HEXD: variants seen among roughly 807,000 people sequenced by gnomAD.
HEXD encodes the protein hexosaminidase D, also known as N-acetyl-beta-galactosaminidase.
HEXD carries 47 observed loss-of-function variants against 54.2 expected under a neutral mutation model. The observed-to-expected ratio is 0.87, with a 90% CI of 0.69 to 1.11. HEXD has a LOEUF of 1.11. Ranked by LOEUF, HEXD falls within the 50% of genes least tolerant of loss-of-function variation. The probability of loss-of-function intolerance (pLI) is 0.00; values close to 1 mark genes in which losing one functional copy is unlikely to be tolerated. For missense variants in HEXD, 576 were observed against 649.2 expected (o/e 0.89, Z 1.23); for synonymous variants, 293 against 287.6 (o/e 1.02, Z -0.19).
chr17:82,434,453 A>G lies in HEXD; in HGVS notation c.447+631A>G, dbSNP rs188506375. ...TCTGCAGGGCTGTGGCTCACAGGGA[A>G]CCCGAGCTGAACATTTTAGCCCCAG... is the stretch of plus-strand genomic sequence containing the variant. On this transcript the variant is annotated intron_variant, in intron 5 of 12. Coordinates refer to ENST00000327949, the MANE Select transcript of HEXD (RefSeq NM_001330542.2). The surrounding 1 kb of genome is among the most constrained non-coding windows in gnomAD (Gnocchi z 4.5). Among the ~76,000 whole-genome samples the G allele has an allele frequency of 6.6e-6, 1 of 152,296 alleles. No individual in the cohort carries two copies. The highest frequency in any genetic ancestry group is 1.5e-5 in the Non-Finnish European group (1 of 68,012).
At chr17:82,440,207 T>C (rs1202792289) in intron 9 of HEXD, 1 of 1,289,694 alleles carries the variant, frequency 7.8e-7, no homozygotes, top group Non-Finnish European at 1.0e-6. Flanking sequence ...AGGAGCTGTG[T>C]GTGTGGAAAC....
Position 82,433,807 on chromosome 17 carries a change from C to G in HEXD, c.432C>G (p.His144Gln), listed in dbSNP as rs761108140. The G allele has an allele frequency of 6.2e-7, 1 of 1,612,702 alleles. No homozygotes were observed. Among genetic ancestry groups the G allele is most frequent in the South Asian group, 1.1e-5 (1 of 90,948 alleles). The stretch of plus-strand genomic sequence containing the variant: ...TACACCCAGGCGCCCAGCGGCTGCA[C>G]ATCGGGTGTGATGAGGTGGGTACTG... ...LELHPGAQRLHIGCDEVYYLG... is the reference protein window; with the variant it reads ...LELHPGAQRLQIGCDEVYYLG... Residue 144 changes from histidine (H) to glutamine (Q), a missense_variant, in exon 5 of 13, where the codon CAC becomes CAG. Physicochemically the swap from His to Gln is conservative, Grantham distance 24. Coordinates refer to ENST00000327949, the MANE Select transcript of HEXD (RefSeq NM_001330542.2).
In HEXD at chr17:82,436,995, C is replaced by T; in HGVS notation, c.704-173C>T. Reference sequence around the variant, plus strand: ...GGGCCACGTACACTCTGGAGTCTCCCCGACTGGGACCCGGGCCGGCCGCAT... The same window carrying T: ...GGGCCACGTACACTCTGGAGTCTCCTCGACTGGGACCCGGGCCGGCCGCAT... On this transcript the variant is annotated intron_variant, in intron 7 of 12. Coordinates refer to ENST00000327949, the MANE Select transcript of HEXD (RefSeq NM_001330542.2). 4.4e-6 allele frequency: 3 copies of T among 686,682 alleles called. No individual in the cohort carries two copies. In the South Asian group the frequency reaches 5.3e-5, roughly 12 times the overall value. 42.5% of individuals were successfully genotyped at this position (686,682 alleles called of 1,614,324 possible).
At chr17:82,427,492 G>C (rs1313774920) in intron 3 of HEXD, among the ~76,000 whole-genome samples, 1 of 152,080 alleles carries the variant, frequency 6.6e-6, no homozygotes, top group Admixed American at 6.6e-5. Flanking sequence ...AGTGATGAAC[G>C]GTGAGCCAGG....
intron 4 of HEXD, among the ~76,000 whole-genome samples, chr17:82,430,955 A>T (rs564441279): frequency 2.6e-5 from 4 of 152,182 alleles, no homozygotes; most frequent in Non-Finnish European, 1.5e-5. Context: ...TCTATGATCC[A>T]TTTTTAGTTT....
intron 4 of HEXD, among the ~76,000 whole-genome samples, chr17:82,429,278 C>T (rs1445042387): frequency 6.6e-6 from 1 of 151,750 alleles, no homozygotes; most frequent in African/African-American, 2.4e-5. Context: ...TATATATACA[C>T]ATATTCTTTT....
chr17:82,441,430 GGCAGGT>G (rs1339067388), intron 11 of HEXD, among the ~76,000 whole-genome samples, 164 bp downstream of exon 11: 1 of 149,010 alleles, frequency 6.7e-6, no homozygotes, highest in Non-Finnish European at 1.5e-5. Flanking sequence ...GTGGGTGGGA[GGCAGGT>G]GCAGGTGAAC....
At chr17:82,432,872 G>T (rs534366233) in intron 4 of HEXD, among the ~76,000 whole-genome samples, 9 of 146,020 alleles carry the variant, frequency 6.2e-5, no homozygotes, top group South Asian at 4.4e-4. Flanking sequence ...GACCATCCTG[G>T]CTAACACGGT....
chr17:82,441,844 T>C lies in HEXD; in HGVS notation c.1208T>C (p.Leu403Pro), dbSNP rs759491882. ...AGCCCCTACCACCGCCAGCGGAAGC[T>C]CATCCACCCGGTCATGGTTCAGCAC... ...WFSPYHRQRK[L>P]IHPVMVQHIQ... Residue 403 changes from leucine (L) to proline (P), a missense_variant, in exon 12 of 13, where the codon CTC becomes CCC. Physicochemically the swap from Leu to Pro is moderately conservative, Grantham distance 98. Transcript: ENST00000327949. 2.5e-6 allele frequency: 4 copies of C among 1,613,180 alleles called. No homozygotes were observed. The highest frequency in any genetic ancestry group is 2.5e-6 in the Non-Finnish European group (3 of 1,179,966).
intron 4 of HEXD, 100 bp downstream of exon 4, chr17:82,428,745 G>C: frequency 1.0e-6 from 1 of 978,354 alleles, no homozygotes; most frequent in Non-Finnish European, 1.6e-6. Context: ...GCGGGCCCAT[G>C]GTTGGGGTGC....
chr17:82,433,077 G>GAAAA (rs71168108), intron 4 of HEXD, among the ~76,000 whole-genome samples: 141 of 7,822 alleles, frequency 0.018, 26 homozygotes, highest in African/African-American at 0.036. Flanking sequence ...AAAAAAAAAA[G>GAAAA]AAAAAAAAAA....
chr17:82,442,351 C>G lies in HEXD; in HGVS notation c.1428C>G (p.Thr476=), dbSNP rs2054016537. The part of the protein sequence containing the change: ...SEVSAPPLPP[T]SPGRDVAQDP ...TGTCTGCCCCCCCGCTGCCACCCAC[C>G]AGCCCTGGCAGGGACGTTGCTCAGG... Residue 476 remains threonine, a synonymous_variant, in exon 13 of 13, where the codon ACC becomes ACG. Transcript: ENST00000327949. The surrounding 1 kb of genome is among the most constrained non-coding windows in gnomAD (Gnocchi z 6.8). 1 of 1,610,942 alleles carries G rather than the reference C, an allele frequency of 6.2e-7. No homozygotes were observed. The highest frequency in any genetic ancestry group is 8.5e-7 in the Non-Finnish European group (1 of 1,179,050).
In HEXD at chr17:82,435,777, G is replaced by A. The variant is rs771002436; in HGVS notation, c.536G>A (p.Arg179Gln). 43 of 1,612,810 alleles carry A rather than the reference G, an allele frequency of 2.7e-5. No individual in the cohort carries two copies. Among genetic ancestry groups the A allele is most frequent in the Non-Finnish European group, 3.2e-5 (38 of 1,179,898 alleles). ...GGGAAGTTGTGCCTGTCACACATGC[G>A]GGCGGTGGCCAGCGGCGTGAAGGCC... Reference protein sequence around the residue: ...STGKLCLSHMRAVASGVKARR... With the variant: ...STGKLCLSHMQAVASGVKARR... Residue 179 changes from arginine (R) to glutamine (Q), a missense_variant, in exon 6 of 13, where the codon CGG (arginine) becomes CAG (glutamine). Coordinates refer to ENST00000327949, the MANE Select transcript of HEXD (RefSeq NM_001330542.2).
At position 82,437,945 on chromosome 17, in the gene HEXD, T is replaced by C. The variant is rs578134260; in HGVS notation, c.899+582T>C. On this transcript the variant is annotated intron_variant, in intron 8 of 12. Transcript: ENST00000327949. Reference sequence around the variant, plus strand: ...TGGGCCAATAGTGTGACAGAATTTATTACTCTAGGGGCTGAGTGCGGTGGC... The same window carrying C: ...TGGGCCAATAGTGTGACAGAATTTACTACTCTAGGGGCTGAGTGCGGTGGC... 1.4e-4 allele frequency among the ~76,000 whole-genome samples: 21 copies of C among 152,296 alleles called. No homozygotes were observed. The Middle Eastern group carries it at 0.017, about 123-fold the overall frequency.
intron 4 of HEXD, among the ~76,000 whole-genome samples, chr17:82,432,382 A>G (rs2053598562): frequency 6.6e-6 from 1 of 151,966 alleles, no homozygotes; most frequent in South Asian, 2.1e-4. Context: ...CCTCTTCTCC[A>G]GTTGCTGCTT....
At chr17:82,439,471 T>C in intron 8 of HEXD, 160 bp from the exon 9 acceptor site, 1 of 985,344 alleles carries the variant, frequency 1.0e-6, no homozygotes, top group Non-Finnish European at 1.2e-6. Context: ...AGAACCTGTC[T>C]TGGAAACCCT....
In HEXD at chr17:82,439,697, G is replaced by A. The variant is rs1346312518; in HGVS notation, c.966G>A (p.Leu322=). The A allele has an allele frequency of 1.3e-6, 2 of 1,599,606 alleles. No individual in the cohort carries two copies. The highest frequency in any genetic ancestry group is 1.1e-5 in the South Asian group (1 of 90,972). Residue 322 remains leucine (L), a synonymous_variant, in exon 9 of 13, where the codon CTG becomes CTA. Coordinates refer to ENST00000327949, the MANE Select transcript of HEXD (RefSeq NM_001330542.2). ...GAGTCCCGTCCCTGGCCGCCTGCCT[G>A]CAGTTGCTTCTACGCGGTATGTCTG... ...PAGVPSLAAC[L]QLLLRGGFDE...
At chr17:82,432,743 T>C (rs1183526693) in intron 4 of HEXD, among the ~76,000 whole-genome samples, 3 of 151,406 alleles carry the variant, frequency 2.0e-5, no homozygotes, top group Admixed American at 2.0e-4. Flanking sequence ...ACCTGGCCAC[T>C]TTTTTTTCTT....
chr17:82,438,251 G>A (rs1026651193), intron 8 of HEXD, among the ~76,000 whole-genome samples: 13 of 151,936 alleles, frequency 8.6e-5, no homozygotes, highest in Admixed American at 8.5e-4. Context: ...AAAAAAAAAT[G>A]TATTACTCTA....
Sources: allele counts gnomAD v4.1 joint callset (sites outside exome capture counted in the v4.1 genomes callset), GRCh38; gene constraint gnomAD v4.1.1; non-coding constraint Gnocchi (gnomAD v3.1); transcripts MANE v1.5; gene names NCBI Gene and HGNC (gene_info 2026-07-23, HGNC 2026-07-21).